The following MARCHF1 variants were observed in gnomAD, a reference collection of about 807,000 sequenced individuals.
MARCHF1 encodes membrane associated ring-CH-type finger 1.
In MARCHF1, 40 loss-of-function variants were observed where a neutral mutation model predicts 54.2. The ratio of observed to expected loss-of-function variants is 0.74; its 90% confidence interval spans 0.57 to 0.96. MARCHF1 has a LOEUF of 0.96. Ranked by LOEUF, MARCHF1 falls within the 40% of genes least tolerant of loss-of-function variation. MARCHF1 has a pLI of 0.00. For synonymous variants in MARCHF1, 236 were observed against 236.3 expected (o/e 1.00, Z 0.01); for missense variants, 586 against 656.5 (o/e 0.89, Z 1.17).
intron 2 of MARCHF1, among the ~76,000 whole-genome samples, chr4:164,091,862 T>TTGTGTGTGTGTGTGTGTG (rs56160451): frequency 6.7e-6 from 1 of 148,548 alleles, no homozygotes; most frequent in Non-Finnish European, 1.5e-5. Flanking sequence ...ATGTATACTT[T>TTGTGTGTGTGTGTGTGTG]TGTGTGTGTG....
chr4:164,224,906 GT>G (rs1340245280), intron 1 of MARCHF1, among the ~76,000 whole-genome samples: 2 of 151,888 alleles, frequency 1.3e-5, no homozygotes, highest in Non-Finnish European at 2.9e-5. Flanking sequence ...AAAGTTTAGG[GT>G]TTTTTTAAGC....
At chr4:163,945,308 G>A (rs928762296) in intron 3 of MARCHF1, among the ~76,000 whole-genome samples, 37 of 152,124 alleles carry the variant, frequency 2.4e-4, no homozygotes, top group African/African-American at 8.0e-4. Flanking sequence ...GACTAGACGA[G>A]TCAATACTAC....
intron 5 of MARCHF1, among the ~76,000 whole-genome samples, chr4:163,651,979 T>C (rs776232678): frequency 4.0e-5 from 6 of 151,770 alleles, no homozygotes; most frequent in Non-Finnish European, 1.5e-5. Context: ...CCTTTCTCTC[T>C]TAGATAATAT....
chr4:163,541,687 C>T (rs1738728438), intron 9 of MARCHF1, among the ~76,000 whole-genome samples: 1 of 152,108 alleles, frequency 6.6e-6, no homozygotes, highest in Non-Finnish European at 1.5e-5. Context: ...TATTCAACCT[C>T]AATTCTGGCT....
At chr4:163,851,833 T>C (rs1749650102) in intron 4 of MARCHF1, among the ~76,000 whole-genome samples, 1 of 152,176 alleles carries the variant, frequency 6.6e-6, no homozygotes, top group African/African-American at 2.4e-5. Context: ...CCTGTGGCCA[T>C]GTGCTTACAA....
At chr4:163,969,814 G>A (rs1752514281) in intron 3 of MARCHF1, among the ~76,000 whole-genome samples, 1 of 152,184 alleles carries the variant, frequency 6.6e-6, no homozygotes. Flanking sequence ...GCTACTCAAT[G>A]TAGTAAAATT....
chr4:163,735,194 A>T (rs1746000347), intron 4 of MARCHF1, among the ~76,000 whole-genome samples: 1 of 152,124 alleles, frequency 6.6e-6, no homozygotes, highest in South Asian at 2.1e-4. Context: ...AGTAGTCCTC[A>T]CACACTTAGG....
At chr4:164,070,063 T>C (rs892549023) in intron 2 of MARCHF1, among the ~76,000 whole-genome samples, 2 of 152,106 alleles carry the variant, frequency 1.3e-5, no homozygotes, top group African/African-American at 4.8e-5. Context: ...GAGCTAAACA[T>C]GGAGCATACA....
At chr4:163,703,422 A>G (rs1047796870) in intron 4 of MARCHF1, among the ~76,000 whole-genome samples, 19 of 152,136 alleles carry the variant, frequency 1.2e-4, no homozygotes, top group Admixed American at 9.8e-4. Flanking sequence ...AATCTGTCCA[A>G]TTTGCTACTA....
chr4:163,789,506 T>A (rs1280130384), intron 4 of MARCHF1, among the ~76,000 whole-genome samples: 3 of 151,726 alleles, frequency 2.0e-5, no homozygotes, highest in Non-Finnish European at 4.4e-5. Flanking sequence ...AAAGTCTTTT[T>A]AAAAAAAAGA....
chr4:164,347,686 T>C (rs75330538), intron 1 of MARCHF1, among the ~76,000 whole-genome samples: 1 of 152,178 alleles, frequency 6.6e-6, no homozygotes, highest in Non-Finnish European at 1.5e-5. Context: ...TTAATAGCTT[T>C]TTAGTGGAGA....
chr4:164,263,315 T>A (rs1356760322), intron 1 of MARCHF1, among the ~76,000 whole-genome samples: 1 of 152,176 alleles, frequency 6.6e-6, no homozygotes, highest in Non-Finnish European at 1.5e-5. Flanking sequence ...CTACAAACCA[T>A]TTTTGATATC....
chr4:164,228,367 A>T (rs1732316376), intron 1 of MARCHF1, among the ~76,000 whole-genome samples: 1 of 152,172 alleles, frequency 6.6e-6, no homozygotes. Flanking sequence ...GAGTTGACCT[A>T]ATTGAATTAA....
chr4:163,782,045 T>G (rs1020397897), intron 4 of MARCHF1, among the ~76,000 whole-genome samples: 1 of 152,006 alleles, frequency 6.6e-6, no homozygotes, highest in African/African-American at 2.4e-5. Flanking sequence ...CACCTTAAGA[T>G]CAAACCACTA....
intron 3 of MARCHF1, among the ~76,000 whole-genome samples, chr4:163,893,129 C>T (rs966941264): frequency 6.6e-6 from 1 of 151,566 alleles, no homozygotes; most frequent in Admixed American, 6.6e-5. Flanking sequence ...GAGACCCAAC[C>T]TTACATACTT....
chr4:164,367,569 A>AT (rs1378516179), intron 1 of MARCHF1, among the ~76,000 whole-genome samples: 5 of 151,440 alleles, frequency 3.3e-5, no homozygotes, highest in Middle Eastern at 6.8e-3. Flanking sequence ...CCTTTTCTTG[A>AT]TTTTTTTTCC....
chr4:163,924,120 A>G (rs1052057378), intron 3 of MARCHF1, among the ~76,000 whole-genome samples: 1 of 152,080 alleles, frequency 6.6e-6, no homozygotes, highest in African/African-American at 2.4e-5. Context: ...AGGTTTGCAC[A>G]ACATTTCCAA....
intron 4 of MARCHF1, among the ~76,000 whole-genome samples, chr4:163,759,107 CTT>C (rs76996625): frequency 4.1e-5 from 6 of 147,564 alleles, no homozygotes; most frequent in African/African-American, 1.5e-4. Context: ...TTAATATTCA[CTT>C]TTTTTTTTCC....
intron 1 of MARCHF1, among the ~76,000 whole-genome samples, chr4:164,309,490 A>G (rs867952492): frequency 6.6e-5 from 10 of 151,198 alleles, no homozygotes; most frequent in Admixed American, 3.3e-4. Flanking sequence ...CAACTAGCAC[A>G]GCATCCTCAG....
Sources: allele counts gnomAD v4.1 joint callset (sites outside exome capture counted in the v4.1 genomes callset), GRCh38; gene constraint gnomAD v4.1.1; transcripts MANE v1.5; gene names NCBI Gene and HGNC (gene_info 2026-07-23, HGNC 2026-07-21).